The following ZNF346 variants were observed in gnomAD, a reference collection of about 807,000 sequenced individuals.
ZNF346 encodes the protein double-stranded RNA-binding zinc finger protein JAZ.
A neutral mutation model predicts 33.7 loss-of-function variants in ZNF346; 23 were observed. The ratio of observed to expected loss-of-function variants is 0.68; its 90% CI spans 0.49 to 0.97. The LOEUF is 0.97. Among genes scored for constraint, ZNF346 ranks in the 50% least tolerant of loss-of-function variants. ZNF346 has a pLI of 0.00. For missense variants in ZNF346, 340 were observed against 371.1 expected (o/e 0.92, Z 0.69); for synonymous variants, 134 against 142.4 (o/e 0.94, Z 0.42).
At chr5:177,071,021 A>G (rs1309802698), downstream of ZNF346, among the ~76,000 whole-genome samples, 1 of 152,184 alleles carries the variant, frequency 6.6e-6, no homozygotes, top group Non-Finnish European at 1.5e-5. Flanking sequence ...TTTGAATATA[A>G]CAACCCACCA....
At chr5:177,053,651 T>G (rs1781272601) in intron 5 of ZNF346, among the ~76,000 whole-genome samples, 1 of 152,212 alleles carries the variant, frequency 6.6e-6, no homozygotes, top group Non-Finnish European at 1.5e-5. Flanking sequence ...TCGACCTTGA[T>G]GAGTTTTTCT....
chr5:177,069,278 G>A (rs551217340), downstream of ZNF346, among the ~76,000 whole-genome samples: 48 of 151,314 alleles, frequency 3.2e-4, 8 homozygotes, highest in South Asian at 9.0e-3. Flanking sequence ...CCAACATGGT[G>A]AAACCCTGTC....
At chr5:177,037,203 T>C (rs1778629019) in intron 1 of ZNF346, among the ~76,000 whole-genome samples, 1 of 152,224 alleles carries the variant, frequency 6.6e-6, no homozygotes. Flanking sequence ...CTTTGTTTTA[T>C]ATTCAACTTC....
chr5:177,041,577 C>T (rs1211613534), intron 2 of ZNF346, among the ~76,000 whole-genome samples: 3 of 152,172 alleles, frequency 2.0e-5, no homozygotes, highest in Non-Finnish European at 4.4e-5. Flanking sequence ...TAGAAATGGT[C>T]ATAATTTTCT....
chr5:177,029,834 G>A (rs796631956), intron 1 of ZNF346, among the ~76,000 whole-genome samples: 4 of 152,280 alleles, frequency 2.6e-5, no homozygotes, highest in Non-Finnish European at 4.4e-5. Flanking sequence ...ATTTATAGCC[G>A]GTTGGTCAGA....
chr5:177,060,699 T>C (rs1782392806), intron 5 of ZNF346, among the ~76,000 whole-genome samples: 1 of 152,038 alleles, frequency 6.6e-6, no homozygotes. Flanking sequence ...TCCCAGCTAC[T>C]TGGGAGGCTG....
At chr5:177,059,246 G>T (rs547509099) in intron 5 of ZNF346, among the ~76,000 whole-genome samples, 8 of 152,140 alleles carry the variant, frequency 5.3e-5, no homozygotes, top group Non-Finnish European at 1.2e-4. Flanking sequence ...TACAGATGAG[G>T]ATATTAAAAC....
At chr5:177,064,177 C>T (rs1782902967) in intron 6 of ZNF346, among the ~76,000 whole-genome samples, 1 of 152,138 alleles carries the variant, frequency 6.6e-6, no homozygotes, top group South Asian at 2.1e-4. Flanking sequence ...TTTTATAGGG[C>T]CCTGTAGGCA....
At chr5:177,053,840 C>T (rs1347311348) in intron 5 of ZNF346, among the ~76,000 whole-genome samples, 1 of 152,132 alleles carries the variant, frequency 6.6e-6, no homozygotes, top group African/African-American at 2.4e-5. Flanking sequence ...GGATACGTTT[C>T]AAAACCCCCC....
At chr5:177,034,125 C>T (rs1440870506) in intron 1 of ZNF346, among the ~76,000 whole-genome samples, 1 of 152,038 alleles carries the variant, frequency 6.6e-6, no homozygotes, top group Non-Finnish European at 1.5e-5. Context: ...TCAAATGATC[C>T]TCCCACCTCA....
intron 4 of ZNF346, among the ~76,000 whole-genome samples, chr5:177,046,953 T>C (rs933633820): frequency 3.9e-5 from 6 of 152,132 alleles, no homozygotes; most frequent in African/African-American, 1.4e-4. Flanking sequence ...ATACTGTTAA[T>C]ATGTTGGTGA....
chr5:177,063,911 A>G (rs1427968863), intron 6 of ZNF346, among the ~76,000 whole-genome samples: 2 of 123,574 alleles, frequency 1.6e-5, no homozygotes, highest in African/African-American at 5.7e-5. Flanking sequence ...ATTTTAAAAA[A>G]GCCTCTAATT....
intron 8 of ZNF346, among the ~76,000 whole-genome samples, chr5:177,078,379 G>T (rs528114744): frequency 6.6e-6 from 1 of 152,334 alleles, no homozygotes; most frequent in African/African-American, 2.4e-5. Flanking sequence ...AGGTGTCTTG[G>T]GGGAGACTGG....
intron 8 of ZNF346, among the ~76,000 whole-genome samples, chr5:177,074,522 C>T (rs907828735): frequency 2.0e-5 from 3 of 152,330 alleles, no homozygotes; most frequent in African/African-American, 4.8e-5. Flanking sequence ...CAGTCATGCT[C>T]CTGTAGTCCC....
At chr5:177,062,887 G>C (rs902065581) in intron 6 of ZNF346, among the ~76,000 whole-genome samples, 1 of 152,180 alleles carries the variant, frequency 6.6e-6, no homozygotes, top group Non-Finnish European at 1.5e-5. Flanking sequence ...GCAAGGTCAT[G>C]ATTCAAACTG....
At chr5:177,031,325 G>A (rs577319430) in intron 1 of ZNF346, among the ~76,000 whole-genome samples, 14 of 152,306 alleles carry the variant, frequency 9.2e-5, no homozygotes, top group African/African-American at 2.9e-4. Flanking sequence ...GAGCCACTGC[G>A]CCTGGACACT....
intron 5 of ZNF346, among the ~76,000 whole-genome samples, chr5:177,057,816 A>ATTTG (rs34407961): frequency 0.43 from 63,341 of 148,738 alleles, 13,808 homozygotes; most frequent in Non-Finnish European, 0.46. Context: ...TTATTTATTT[A>ATTTG]TTTATTTATT....
chr5:177,052,156 A>T (rs1177820416), intron 5 of ZNF346, among the ~76,000 whole-genome samples: 1 of 150,760 alleles, frequency 6.6e-6, no homozygotes, highest in African/African-American at 2.5e-5. Context: ...GAGCGAGAAC[A>T]TGTATCAAAA....
At chr5:177,058,143 G>A (rs1159227882) in intron 5 of ZNF346, among the ~76,000 whole-genome samples, 1 of 151,040 alleles carries the variant, frequency 6.6e-6, no homozygotes, top group African/African-American at 2.4e-5. Context: ...TTTTCAAGAG[G>A]ACTTGGATTT....
Sources: gnomAD v4.1 joint callset for allele counts (sites outside exome capture counted in the v4.1 genomes callset) on GRCh38, gnomAD v4.1.1 for gene constraint, MANE v1.5 for transcripts, NCBI Gene and HGNC (gene_info 2026-07-23, HGNC 2026-07-21) for gene names.